ANLN: variants seen among roughly 807,000 people sequenced by gnomAD.
ANLN encodes anillin, actin binding protein.
ANLN carries 59 observed loss-of-function variants against 135.1 expected under a neutral mutation model. The observed-to-expected ratio is 0.44, with a 90% CI of 0.35 to 0.54. ANLN has a LOEUF of 0.54. Among genes scored for constraint, ANLN ranks in the 20% least tolerant of loss-of-function variants. The probability of loss-of-function intolerance (pLI) is 0.00; values close to 1 mark genes in which losing one functional copy is unlikely to be tolerated. For missense variants in ANLN, 1,182 were observed against 1,340.0 expected (o/e 0.88, Z 1.84); for synonymous variants, 406 against 456.4 (o/e 0.89, Z 1.41).
intron 2 of ANLN, among the ~76,000 whole-genome samples, chr7:36,397,747 T>C (rs1247278790): frequency 1.3e-5 from 2 of 152,036 alleles, no homozygotes; most frequent in Non-Finnish European, 2.9e-5. Context: ...ACCCTGTCTC[T>C]ACAAAAAATA....
chr7:36,437,805 C>A (rs1788608389), intron 20 of ANLN, among the ~76,000 whole-genome samples: 1 of 151,836 alleles, frequency 6.6e-6, no homozygotes, highest in Non-Finnish European at 1.5e-5. Flanking sequence ...GAGTTTCACT[C>A]TTGCTGCCCA....
intron 20 of ANLN, among the ~76,000 whole-genome samples, chr7:36,433,349 C>G (rs1345134015): frequency 6.6e-6 from 1 of 152,188 alleles, no homozygotes; most frequent in Non-Finnish European, 1.5e-5. Flanking sequence ...GATATTGTCA[C>G]TGGGACTGCT....
intron 7 of ANLN, among the ~76,000 whole-genome samples, chr7:36,415,356 G>T (rs955891243): frequency 6.6e-6 from 1 of 151,998 alleles, no homozygotes; most frequent in Admixed American, 6.6e-5. Flanking sequence ...GTGACATAGG[G>T]GTGGGTGTTT....
At chr7:36,434,871 C>G (rs541582202) in intron 20 of ANLN, among the ~76,000 whole-genome samples, 2 of 152,164 alleles carry the variant, frequency 1.3e-5, no homozygotes, top group South Asian at 4.1e-4. Flanking sequence ...AAAAACAAAA[C>G]AAAACAAAAC....
intron 20 of ANLN, among the ~76,000 whole-genome samples, chr7:36,434,459 C>T (rs1441208926): frequency 2.6e-5 from 4 of 152,224 alleles, no homozygotes; most frequent in Non-Finnish European, 2.9e-5. Flanking sequence ...CCATTGAAGG[C>T]TCAACTGGTT....
chr7:36,432,431 C>T (rs962073367), intron 20 of ANLN, among the ~76,000 whole-genome samples: 1 of 152,210 alleles, frequency 6.6e-6, no homozygotes, highest in African/African-American at 2.4e-5. Flanking sequence ...GAAGATCCTT[C>T]ACCTTCCTTT....
At chr7:36,428,920 A>T (rs1465219734) in intron 20 of ANLN, among the ~76,000 whole-genome samples, 1 of 151,760 alleles carries the variant, frequency 6.6e-6, no homozygotes, top group East Asian at 1.9e-4. Flanking sequence ...CTGGGACTAC[A>T]GGTGCATGCA....
intron 21 of ANLN, among the ~76,000 whole-genome samples, chr7:36,441,090 T>C (rs1337048846): frequency 6.6e-6 from 1 of 152,222 alleles, no homozygotes; most frequent in Non-Finnish European, 1.5e-5. Context: ...CTAGATAGTC[T>C]TGGAAGAGTG....
rs1170830640 is a variant in ANLN at position 36,407,776 on chromosome 7, G to C, written c.916G>C (p.Ala306Pro). Residue 306 changes from alanine to proline, a missense_variant, in exon 5 of 24, where the codon GCT becomes CCT. Ala to Pro is a conservative substitution (Grantham distance 27). Transcript: ENST00000265748. ...PVKSTTSITD[A>P]KSCEGQNPEL... is the part of the protein sequence containing the mutation. ...GAAATCTACTACATCTATCACTGAT[G>C]CTAAAAGTTGTGAGGGACAAAATCC... The C allele has an allele frequency of 6.2e-7, 1 of 1,613,652 alleles. No homozygotes were observed. The highest frequency in any genetic ancestry group is 1.3e-5 in the African/African-American group (1 of 74,902).
intron 20 of ANLN, among the ~76,000 whole-genome samples, chr7:36,431,607 A>G (rs1346631375): frequency 9.4e-3 from 343 of 36,312 alleles, no homozygotes; most frequent in Middle Eastern, 0.027. Flanking sequence ...GTATATATAT[A>G]TATATATATA....
In ANLN at chr7:36,406,575, G is replaced by C; in HGVS notation, c.873+9G>C. 1.3e-6 allele frequency: 2 copies of C among 1,482,820 alleles called. No individual in the cohort carries two copies. The allele number at this position is 1,482,820 out of a possible 1,614,324, so 91.9% of individuals were successfully genotyped here. ...CAATTTCCAGCTCTGTGGTAAGTCA[G>C]TATCATTTTGGTCTTTGGAAGCCTT... On this transcript the variant is annotated intron_variant, in intron 4 of 23. Coordinates refer to ENST00000265748, the MANE Select transcript of ANLN (RefSeq NM_018685.5).
In ANLN at chr7:36,407,827, A is replaced by T; in HGVS notation, c.967A>T (p.Ser323Cys). Reference sequence around the variant, plus strand: ...TGAGCTACTTCCAAAAACTCCTATTAGTCCTCTGAAAACGGGGGTATCGAA... The same window carrying T: ...TGAGCTACTTCCAAAAACTCCTATTTGTCCTCTGAAAACGGGGGTATCGAA... Reference protein sequence around the residue: ...NPELLPKTPISPLKTGVSKPI... With the variant: ...NPELLPKTPICPLKTGVSKPI... Residue 323 changes from serine to cysteine, a missense_variant, in exon 5 of 24, where the codon AGT becomes TGT. Physicochemically the swap from Ser to Cys is moderately radical, Grantham distance 112. Transcript: ENST00000265748. The T allele has an allele frequency of 1.2e-6, 2 of 1,613,898 alleles. No homozygotes were observed. Among genetic ancestry groups the T allele is most frequent in the South Asian group, 2.2e-5 (2 of 91,072 alleles).
chr7:36,440,278 A>G (rs999238911), intron 21 of ANLN, among the ~76,000 whole-genome samples: 2 of 152,250 alleles, frequency 1.3e-5, no homozygotes, highest in African/African-American at 4.8e-5. Context: ...AGGAGACTGC[A>G]GGGAGAGAAA....
At chr7:36,405,008 A>C (rs903097220) in intron 3 of ANLN, among the ~76,000 whole-genome samples, 1 of 152,206 alleles carries the variant, frequency 6.6e-6, no homozygotes, top group South Asian at 2.1e-4. Flanking sequence ...GAAACTGAAG[A>C]TAGGGCGTGG....
intron 20 of ANLN, among the ~76,000 whole-genome samples, chr7:36,432,503 CTG>C (rs1487226537): frequency 6.6e-6 from 1 of 152,194 alleles, no homozygotes; most frequent in Non-Finnish European, 1.5e-5. Context: ...CACATAAAAA[CTG>C]TATTTTCAAT....
intron 21 of ANLN, among the ~76,000 whole-genome samples, chr7:36,443,533 T>G (rs1241535605): frequency 6.6e-6 from 1 of 152,228 alleles, no homozygotes; most frequent in Non-Finnish European, 1.5e-5. Flanking sequence ...GGTTGATATC[T>G]GAATGTTTTT....
chr7:36,452,548 A>G lies in ANLN; in HGVS notation c.3323A>G (p.Asp1108Gly), dbSNP rs146632313. Residue 1108 changes from aspartate (D) to glycine (G), a missense_variant, in exon 24 of 24, where the codon GAT becomes GGT. Asp to Gly is a moderately conservative substitution (Grantham distance 94). Transcript: ENST00000265748. ...CAAAAACTCAATCAAGTTCTTGTTG[A>G]TATTCGCCTCTGGCAACCTGATGCT... ...WMQKLNQVLV[D>G]IRLWQPDACY... The G allele has an allele frequency of 1.0e-4, 169 of 1,614,076 alleles. No homozygotes were observed. In the African/African-American group the frequency reaches 2.0e-3, roughly 19 times the overall value.
chr7:36,439,327 C>G, intron 21 of ANLN, 37 bp downstream of exon 21: 1 of 1,181,930 alleles, frequency 8.5e-7, no homozygotes, highest in Non-Finnish European at 1.2e-6. Context: ...TTCCTTTTTT[C>G]CATTTTGTGA....
chr7:36,407,122 G>T (rs1787223053), intron 4 of ANLN, among the ~76,000 whole-genome samples: 1 of 152,138 alleles, frequency 6.6e-6, no homozygotes, highest in African/African-American at 2.4e-5. Flanking sequence ...TCTGACCATT[G>T]TCTTTTAGTG....
Sources: allele counts gnomAD v4.1 joint callset (sites outside exome capture counted in the v4.1 genomes callset), GRCh38; gene constraint gnomAD v4.1.1; transcripts MANE v1.5; gene names NCBI Gene and HGNC (gene_info 2026-07-23, HGNC 2026-07-21).